The following PLXNA2 variants were observed in gnomAD, a reference collection of about 807,000 sequenced individuals.
PLXNA2 encodes plexin A2.
In PLXNA2, 91 loss-of-function variants were observed where a neutral mutation model predicts 193.5. That is an observed-to-expected ratio of 0.47 (90% CI 0.40 to 0.56). The LOEUF is 0.56. Among genes scored for constraint, PLXNA2 ranks in the 20% least tolerant of loss-of-function variants. The pLI is 0.00. For synonymous variants in PLXNA2, 997 were observed against 1,027.3 expected (o/e 0.97, Z 0.56); for missense variants, 1,995 against 2,503.2 (o/e 0.80, Z 4.33).
chr1:208,125,977 A>G (rs1218287516), intron 4 of PLXNA2, among the ~76,000 whole-genome samples: 1 of 152,186 alleles, frequency 6.6e-6, no homozygotes, highest in East Asian at 1.9e-4. Context: ...GAAAGACAAC[A>G]TGGAGATGGC....
At chr1:208,064,390 C>G (rs1315163486) in intron 12 of PLXNA2, among the ~76,000 whole-genome samples, 4 of 152,242 alleles carry the variant, frequency 2.6e-5, no homozygotes, top group African/African-American at 7.2e-5. Flanking sequence ...CTAAGGCTGG[C>G]CTGGCAGGTG....
In PLXNA2 at chr1:208,084,366, C is replaced by T; in HGVS notation, c.2298+14G>A. The T allele has an allele frequency of 6.2e-7, 1 of 1,613,822 alleles. No individual in the cohort carries two copies. Among genetic ancestry groups the T allele is most frequent in the Non-Finnish European group, 8.5e-7 (1 of 1,179,894 alleles). ...AGCCCTGCTCCAGGCAGGGCCCAGC[C>T]TGCGTTTTCTTACCGAGCTGTTCTG... On this transcript the variant is annotated intron_variant, in intron 10 of 31. Transcript: ENST00000367033.
intron 1 of PLXNA2, among the ~76,000 whole-genome samples, chr1:208,237,746 C>T (rs149405630): frequency 1.3e-5 from 2 of 152,322 alleles, no homozygotes; most frequent in African/African-American, 4.8e-5. Context: ...GCTCTCACTT[C>T]CTCTGACCCC....
intron 3 of PLXNA2, among the ~76,000 whole-genome samples, chr1:208,163,401 G>A (rs540432740): frequency 6.6e-6 from 1 of 152,282 alleles, no homozygotes; most frequent in East Asian, 1.9e-4. Flanking sequence ...AGGTGGAAAG[G>A]AGGGCAGGTG....
intron 3 of PLXNA2, among the ~76,000 whole-genome samples, chr1:208,200,446 C>G (rs1472432987): frequency 6.6e-6 from 1 of 152,176 alleles, no homozygotes; most frequent in East Asian, 1.9e-4. Context: ...CATCTCCACC[C>G]TGAAGTATTT....
intron 4 of PLXNA2, among the ~76,000 whole-genome samples, chr1:208,130,431 G>A (rs1026832306): frequency 4.6e-5 from 7 of 152,098 alleles, no homozygotes; most frequent in African/African-American, 1.4e-4. Flanking sequence ...AGAACACACA[G>A]GAACGTTTGC....
Position 208,028,152 on chromosome 1 carries a change from C to A in PLXNA2, c.5446G>T (p.Ala1816Ser). Reference protein sequence around the residue: ...SYKSWVERYYADIAKLPAISD... With the variant: ...SYKSWVERYYSDIAKLPAISD... Reference sequence around the variant, plus strand: ...ATGGCTGGGAGCTTGGCGATGTCTGCGTAGTATCTGCCAGAGACAGGATAG... The same window carrying A: ...ATGGCTGGGAGCTTGGCGATGTCTGAGTAGTATCTGCCAGAGACAGGATAG... Residue 1816 changes from alanine (A) to serine (S), a missense_variant, in exon 31 of 32, where the codon GCA becomes TCA. This residue lies in a region of PLXNA2 where 1,291 missense variants were observed against 1,673.6 expected (regional missense o/e 0.77). Coordinates refer to ENST00000367033, the MANE Select transcript of PLXNA2 (RefSeq NM_025179.4). The surrounding 1 kb of genome is among the most constrained non-coding windows in gnomAD (Gnocchi z 4.2). 6.2e-7 allele frequency: 1 copy of A among 1,610,664 alleles called. No individual in the cohort carries two copies. The highest frequency in any genetic ancestry group is 8.5e-7 in the Non-Finnish European group (1 of 1,178,272).
chr1:208,238,021 C>T (rs1671923210), intron 1 of PLXNA2, among the ~76,000 whole-genome samples: 2 of 152,212 alleles, frequency 1.3e-5, no homozygotes, highest in South Asian at 4.1e-4. Context: ...GTAAGAATCT[C>T]TCCTTCTTCT....
intron 2 of PLXNA2, among the ~76,000 whole-genome samples, chr1:208,211,869 C>G (rs992886462): frequency 5.9e-5 from 9 of 152,098 alleles, no homozygotes. Flanking sequence ...GGTCTCTCAT[C>G]TAAAAAAGAA....
chr1:208,077,886 G>A (rs1231819758), intron 12 of PLXNA2, among the ~76,000 whole-genome samples: 1 of 152,146 alleles, frequency 6.6e-6, no homozygotes, highest in Admixed American at 6.5e-5. Flanking sequence ...ATGAATGAGG[G>A]CCTGGATGCA....
chr1:208,178,515 T>C (rs1669735559), intron 3 of PLXNA2, among the ~76,000 whole-genome samples: 1 of 152,104 alleles, frequency 6.6e-6, no homozygotes, highest in Non-Finnish European at 1.5e-5. Context: ...AGAATAAATC[T>C]TCAGGGGTAG....
intron 4 of PLXNA2, among the ~76,000 whole-genome samples, chr1:208,121,128 T>C (rs1667794956): frequency 6.6e-6 from 1 of 152,168 alleles, no homozygotes; most frequent in South Asian, 2.1e-4. Flanking sequence ...AATTTCTCTG[T>C]AAACCAATGC....
intron 12 of PLXNA2, among the ~76,000 whole-genome samples, chr1:208,064,515 T>C (rs1018405589): frequency 9.2e-5 from 14 of 152,154 alleles, no homozygotes; most frequent in Non-Finnish European, 1.3e-4. Flanking sequence ...TGTTTAAAAA[T>C]CCCTGAGCCT....
In PLXNA2 at chr1:208,051,284, G is replaced by A. The variant is rs752165049; in HGVS notation, c.3133C>T (p.Arg1045Cys). The A allele has an allele frequency of 1.3e-5, 21 of 1,611,654 alleles. No individual in the cohort carries two copies. The highest frequency in any genetic ancestry group is 2.2e-5 in the East Asian group (1 of 44,842). The change falls in exon 16 of 32, where the codon CGC becomes TGC. Residue 1045 changes from arginine to cysteine, a missense_variant. Transcript: ENST00000367033. ...FEYIDDPRVQRIEPEWSIASG... is the reference protein window; with the variant it reads ...FEYIDDPRVQCIEPEWSIASG... Reference sequence around the variant, plus strand: ...GCAATGCTCCACTCTGGCTCGATGCGCTGGACCCGAGGGTCATCTATGTAC... The same window carrying A: ...GCAATGCTCCACTCTGGCTCGATGCACTGGACCCGAGGGTCATCTATGTAC...
intron 3 of PLXNA2, among the ~76,000 whole-genome samples, chr1:208,152,512 G>A (rs993418111): frequency 2.4e-4 from 36 of 152,034 alleles, no homozygotes; most frequent in Non-Finnish European, 3.5e-4. Flanking sequence ...ACACTTGTTC[G>A]ATCCTGCCTT....
At chr1:208,118,496 G>C (rs1295518257) in intron 4 of PLXNA2, among the ~76,000 whole-genome samples, 1 of 152,242 alleles carries the variant, frequency 6.6e-6, no homozygotes, top group Non-Finnish European at 1.5e-5. Context: ...CAGGTTAGTA[G>C]CCCTCTCTGG....
intron 21 of PLXNA2, among the ~76,000 whole-genome samples, chr1:208,042,646 G>A (rs1043829327): frequency 2.0e-5 from 3 of 152,140 alleles, no homozygotes; most frequent in Non-Finnish European, 2.9e-5. Flanking sequence ...GATAGAATAG[G>A]AGATGCCCCC....
intron 9 of PLXNA2, among the ~76,000 whole-genome samples, chr1:208,091,493 A>T (rs1666707258): frequency 6.6e-6 from 1 of 152,186 alleles, no homozygotes; most frequent in East Asian, 1.9e-4. Flanking sequence ...ACATTTGCTA[A>T]ATAAGACATT....
chr1:208,168,722 G>GTTTTTTTTTT, intron 3 of PLXNA2, among the ~76,000 whole-genome samples: 1 of 22,000 alleles, frequency 4.5e-5, no homozygotes, highest in Non-Finnish European at 1.5e-4. Context: ...AGAGTATGCG[G>GTTTTTTTTTT]GGTTTTTTTT....
Sources: gnomAD v4.1 joint callset for allele counts (sites outside exome capture counted in the v4.1 genomes callset) on GRCh38, gnomAD v4.1.1 for gene constraint, gnomAD v4.1.1 regional missense constraint, Gnocchi (gnomAD v3.1) non-coding constraint, MANE v1.5 for transcripts, NCBI Gene and HGNC (gene_info 2026-07-23, HGNC 2026-07-21) for gene names.